CNTNAP5: variants seen among roughly 807,000 people sequenced by gnomAD.
The protein encoded by CNTNAP5 is contactin-associated protein-like 5.
CNTNAP5 carries 72 observed loss-of-function variants against 150.2 expected under a neutral mutation model. The observed-to-expected ratio is 0.48, with a 90% CI of 0.40 to 0.58. The LOEUF (loss-of-function observed/expected upper bound fraction) is 0.58. Ranked by LOEUF, CNTNAP5 falls within the 20% of genes least tolerant of loss-of-function variation. The probability of loss-of-function intolerance (pLI) is 0.00; values close to 1 mark genes in which losing one functional copy is unlikely to be tolerated. For missense variants in CNTNAP5, 1,636 were observed against 1,626.2 expected (o/e 1.01, Z -0.10); for synonymous variants, 672 against 619.8 (o/e 1.08, Z -1.25).
At chr2:124,616,422 GA>G (rs1389600717) in intron 12 of CNTNAP5, among the ~76,000 whole-genome samples, 1 of 152,128 alleles carries the variant, frequency 6.6e-6, no homozygotes, top group African/African-American at 2.4e-5. Flanking sequence ...AGCCTTTATA[GA>G]ATTGAAGAGG....
At chr2:124,629,936 C>CAA (rs70996084) in intron 12 of CNTNAP5, among the ~76,000 whole-genome samples, 895 of 67,736 alleles carry the variant, frequency 0.013, 18 homozygotes, top group African/African-American at 0.035. Flanking sequence ...CACCTCTATG[C>CAA]AAAAAAAAAA....
chr2:124,507,674 T>C (rs1179377659), intron 8 of CNTNAP5, among the ~76,000 whole-genome samples: 2 of 152,130 alleles, frequency 1.3e-5, no homozygotes, highest in Non-Finnish European at 2.9e-5. Flanking sequence ...CCTCGATCCA[T>C]ACAAGGGAGA....
chr2:124,194,410 TAA>T (rs1234156376), intron 1 of CNTNAP5, among the ~76,000 whole-genome samples: 375 of 3,296 alleles, frequency 0.11, 1 homozygote, highest in East Asian at 0.19. Flanking sequence ...TATATATATA[TAA>T]ATATAAATAG....
At chr2:124,830,874 G>A (rs1682699853) in intron 19 of CNTNAP5, among the ~76,000 whole-genome samples, 1 of 151,910 alleles carries the variant, frequency 6.6e-6, no homozygotes. Context: ...GGAACTGAAG[G>A]CAATTATGTA....
intron 10 of CNTNAP5, among the ~76,000 whole-genome samples, chr2:124,545,707 A>G (rs1294518513): frequency 6.6e-6 from 1 of 152,070 alleles, no homozygotes; most frequent in African/African-American, 2.4e-5. Flanking sequence ...CCGTACTAGC[A>G]CAAATGGCGT....
chr2:124,903,444 G>C (rs1244174238), intron 22 of CNTNAP5, among the ~76,000 whole-genome samples: 1 of 152,080 alleles, frequency 6.6e-6, no homozygotes, highest in Non-Finnish European at 1.5e-5. Context: ...AGAGAACAGG[G>C]AGGCAGCAAG....
At chr2:124,436,240 C>T (rs144787180) in intron 5 of CNTNAP5, among the ~76,000 whole-genome samples, 51 of 152,216 alleles carry the variant, frequency 3.4e-4, no homozygotes, top group African/African-American at 1.2e-3. Context: ...ATTTAGATTC[C>T]CATTTCAGAT....
chr2:124,284,649 A>G (rs776985278), intron 3 of CNTNAP5, among the ~76,000 whole-genome samples: 1 of 152,148 alleles, frequency 6.6e-6, no homozygotes, highest in Non-Finnish European at 1.5e-5. Flanking sequence ...AAAAAGAACC[A>G]AAAAGAGAGC....
chr2:124,789,829 A>C (rs1681683399), intron 17 of CNTNAP5, 73 bp from the exon 18 acceptor site: 3 of 1,405,008 alleles, frequency 2.1e-6, no homozygotes, highest in Non-Finnish European at 2.9e-6. Context: ...ACTCTTACCC[A>C]TGCCAACATT....
At chr2:124,885,663 T>C (rs575807115) in intron 21 of CNTNAP5, among the ~76,000 whole-genome samples, 17 of 152,032 alleles carry the variant, frequency 1.1e-4, no homozygotes, top group African/African-American at 3.9e-4. Context: ...TAAGCTGCTT[T>C]CTGTCTGTAT....
intron 3 of CNTNAP5, among the ~76,000 whole-genome samples, chr2:124,258,230 G>A (rs1357340235): frequency 6.6e-6 from 1 of 152,086 alleles, no homozygotes; most frequent in African/African-American, 2.4e-5. Context: ...GGAAAGAAGA[G>A]GGTGCAGTAC....
At chr2:124,074,900 C>A (rs1314793156) in intron 1 of CNTNAP5, among the ~76,000 whole-genome samples, 1 of 152,058 alleles carries the variant, frequency 6.6e-6, no homozygotes, top group Non-Finnish European at 1.5e-5. Context: ...TTACTGTGAG[C>A]AAAGCATGGT....
intron 21 of CNTNAP5, among the ~76,000 whole-genome samples, chr2:124,894,367 C>G (rs1678261031): frequency 6.6e-6 from 1 of 151,300 alleles, no homozygotes; most frequent in Non-Finnish European, 1.5e-5. Context: ...GTACCCTTGT[C>G]TTGCTCATTT....
chr2:124,057,375 C>T (rs1198586288), intron 1 of CNTNAP5, among the ~76,000 whole-genome samples: 1 of 150,246 alleles, frequency 6.7e-6, no homozygotes, highest in African/African-American at 2.5e-5. Context: ...TCTGCCTCCC[C>T]GGTTCACACC....
At chr2:124,404,387 GA>G (rs1286840385) in intron 3 of CNTNAP5, among the ~76,000 whole-genome samples, 6 of 150,652 alleles carry the variant, frequency 4.0e-5, no homozygotes, top group Admixed American at 2.0e-4. Flanking sequence ...TGAATTCACA[GA>G]ATCCAAATGA....
chr2:124,888,786 T>G (rs546252653), intron 21 of CNTNAP5, among the ~76,000 whole-genome samples: 29 of 152,196 alleles, frequency 1.9e-4, no homozygotes, highest in African/African-American at 7.0e-4. Flanking sequence ...TTTTTTTTAG[T>G]AAGGTTAACT....
intron 20 of CNTNAP5, among the ~76,000 whole-genome samples, chr2:124,866,714 C>A (rs1205590429): frequency 6.6e-6 from 1 of 152,074 alleles, no homozygotes; most frequent in Non-Finnish European, 1.5e-5. Context: ...CAGAGCCCAA[C>A]AGAGAATAGA....
chr2:124,436,187 G>C (rs1316260871), intron 5 of CNTNAP5, among the ~76,000 whole-genome samples: 1 of 152,160 alleles, frequency 6.6e-6, no homozygotes, highest in African/African-American at 2.4e-5. Flanking sequence ...AGTAAAGCGA[G>C]TGTCTTCTAC....
intron 1 of CNTNAP5, among the ~76,000 whole-genome samples, chr2:124,161,521 A>G (rs964094124): frequency 1.3e-5 from 2 of 152,222 alleles, no homozygotes; most frequent in South Asian, 2.1e-4. Context: ...AGCACCCAGC[A>G]TTTATTTAAT....
Sources: gnomAD v4.1 joint callset for allele counts (sites outside exome capture counted in the v4.1 genomes callset) on GRCh38, gnomAD v4.1.1 for gene constraint, MANE v1.5 for transcripts, NCBI Gene and HGNC (gene_info 2026-07-23, HGNC 2026-07-21) for gene names.